HAVCR1: variants seen among roughly 807,000 people sequenced by gnomAD.
The protein encoded by HAVCR1 is hepatitis A virus cellular receptor 1.
In HAVCR1, 34 loss-of-function variants were observed where a neutral mutation model predicts 32.0. That is an observed-to-expected ratio of 1.06 (90% confidence interval 0.81 to 1.42). The LOEUF is 1.42. HAVCR1 is among the 40% of genes most tolerant of loss of function. The pLI is 0.00. For synonymous variants in HAVCR1, 178 were observed against 170.3 expected (o/e 1.05, Z -0.35); for missense variants, 420 against 442.3 (o/e 0.95, Z 0.45).
the HAVCR1 span, among the ~76,000 whole-genome samples, chr5:157,068,386 C>T: frequency 6.6e-6 from 1 of 152,104 alleles, no homozygotes; most frequent in African/African-American, 2.4e-5. Context: ...AAGTTTGAGA[C>T]CAGCCTGGGC....
chr5:157,033,923 C>T (rs1278967807), intron 7 of HAVCR1, among the ~76,000 whole-genome samples: 2 of 152,040 alleles, frequency 1.3e-5, no homozygotes, highest in Non-Finnish European at 2.9e-5. Context: ...TGTGGTGGCA[C>T]GAGCCTGTAA....
chr5:157,055,415 G>A lies in HAVCR1; in HGVS notation c.165C>T (p.Phe55=), dbSNP rs763215122. 125 of 1,612,376 alleles carry A rather than the reference G, an allele frequency of 7.8e-5. No homozygotes were observed. Among genetic ancestry groups the A allele is most frequent in the Non-Finnish European group, 1.0e-4 (120 of 1,178,488 alleles). The change falls in exon 3 of 9, where the codon TTC becomes TTT. Residue 55 remains phenylalanine, a synonymous_variant. Transcript: ENST00000523175. ...TCCAGACAATGCCATTTTGGCATGTGAATAGAGAACATGAGCCTCTATTCC... is the reference window on the plus strand; with the variant it reads ...TCCAGACAATGCCATTTTGGCATGTAAATAGAGAACATGAGCCTCTATTCC... ...MCWNRGSCSL[F]TCQNGIVWTN...
chr5:157,038,793 C>T (rs1202487199), intron 6 of HAVCR1, among the ~76,000 whole-genome samples: 1 of 152,098 alleles, frequency 6.6e-6, no homozygotes, highest in Non-Finnish European at 1.5e-5. Context: ...ACTGCATGCT[C>T]ATTTTAGAAT....
At chr5:157,065,940 C>A in the HAVCR1 span, among the ~76,000 whole-genome samples, 1 of 151,372 alleles carries the variant, frequency 6.6e-6, no homozygotes, top group African/African-American at 2.4e-5. Context: ...CCTATAGTCC[C>A]AGCTACTCAG....
intron 6 of HAVCR1, among the ~76,000 whole-genome samples, chr5:157,038,363 A>G (rs1264263712): frequency 5.3e-5 from 8 of 152,166 alleles, no homozygotes; most frequent in Admixed American, 1.3e-4. Context: ...CCCACCGGGA[A>G]GGTATTTTAA....
intron 3 of HAVCR1, among the ~76,000 whole-genome samples, chr5:157,054,752 CTT>C (rs1033624418): frequency 6.6e-6 from 1 of 152,126 alleles, no homozygotes; most frequent in Non-Finnish European, 1.5e-5. Context: ...CAAATACAGA[CTT>C]TTTTGTTTGT....
At chr5:157,048,395 T>C (rs1755534169) in intron 5 of HAVCR1, among the ~76,000 whole-genome samples, 2 of 152,212 alleles carry the variant, frequency 1.3e-5, no homozygotes, top group African/African-American at 4.8e-5. Context: ...AGTCAGGCAT[T>C]TGGATTCTTG....
chr5:157,030,652 A>G (rs1024573178), intron 8 of HAVCR1, among the ~76,000 whole-genome samples: 30 of 152,236 alleles, frequency 2.0e-4, no homozygotes, highest in African/African-American at 7.0e-4. Flanking sequence ...GTCTCAAAAA[A>G]AGAAATCAGT....
At chr5:157,051,622 C>T (rs1341146224) in intron 4 of HAVCR1, among the ~76,000 whole-genome samples, 2 of 151,756 alleles carry the variant, frequency 1.3e-5, no homozygotes, top group Non-Finnish European at 2.9e-5. Flanking sequence ...ACTTGACCTC[C>T]CGGCCCCAAG....
At chr5:157,043,204 T>G (rs1301952530) in intron 5 of HAVCR1, among the ~76,000 whole-genome samples, 1 of 152,230 alleles carries the variant, frequency 6.6e-6, no homozygotes, top group Non-Finnish European at 1.5e-5. Context: ...GTTGCCGATG[T>G]GCTTACATTT....
In HAVCR1 at chr5:157,037,234, C is replaced by T. The variant is rs778055969; in HGVS notation, c.952+13G>A. The T allele has an allele frequency of 1.6e-5, 22 of 1,356,084 alleles. No individual in the cohort carries two copies. The highest frequency in any genetic ancestry group is 5.8e-5 in the South Asian group (5 of 85,844). 84.0% of individuals were successfully genotyped at this position (1,356,084 alleles called of 1,614,324 possible). A position where few individuals can be genotyped will look rare whatever the true frequency, so the allele number is the denominator to read the frequency against. On this transcript the variant is annotated intron_variant, in intron 7 of 8. Coordinates refer to ENST00000523175, the MANE Select transcript of HAVCR1 (RefSeq NM_001173393.3). ...ATCCCTTGTCCCTTAGGAACAATCT[C>T]GAAATGACTTACTTTTGGCAATGAT...
chr5:157,060,803 A>G (rs6863780), upstream of HAVCR1, among the ~76,000 whole-genome samples: 106,166 of 152,098 alleles, frequency 0.7, 37,653 homozygotes, highest in East Asian at 0.84. Context: ...TATTGGTTAC[A>G]GAGTTATTCT....
At chr5:157,039,034 C>G (rs1754709458) in intron 6 of HAVCR1, among the ~76,000 whole-genome samples, 1 of 152,076 alleles carries the variant, frequency 6.6e-6, no homozygotes, top group African/African-American at 2.4e-5. Flanking sequence ...GTGGGAGGAT[C>G]ACTTGAGCCT....
Position 157,055,428 on chromosome 5 carries a change from G to A in HAVCR1, c.152C>T (p.Ser51Leu), listed in dbSNP as rs2270922. 1.1e-4 allele frequency: 180 copies of A among 1,607,574 alleles called. 1 individual carries two copies. The East Asian group carries it at 3.9e-3, about 34-fold the overall frequency. ...AVTSMCWNRG[S>L]CSLFTCQNGI... The stretch of plus-strand genomic sequence containing the variant: ...ATTTTGGCATGTGAATAGAGAACAT[G>A]AGCCTCTATTCCAGCACATGGATGT... The change falls in exon 3 of 9, where the codon TCA (serine) becomes TTA (leucine). Residue 51 changes from serine (S) to leucine (L), a missense_variant. Coordinates refer to ENST00000523175, the MANE Select transcript of HAVCR1 (RefSeq NM_001173393.3).
chr5:157,054,767 T>G (rs1210973852), intron 3 of HAVCR1, among the ~76,000 whole-genome samples: 1 of 152,236 alleles, frequency 6.6e-6, no homozygotes, highest in Non-Finnish European at 1.5e-5. Context: ...TTGTTTGTCA[T>G]TATTCCCTAA....
At chr5:157,064,003 C>T (rs1463282060), upstream of HAVCR1, among the ~76,000 whole-genome samples, 1 of 152,188 alleles carries the variant, frequency 6.6e-6, no homozygotes, top group East Asian at 1.9e-4. Context: ...AGAGGACAGA[C>T]ACATGGGGCT....
At chr5:157,043,423 T>C (rs180769751) in intron 5 of HAVCR1, among the ~76,000 whole-genome samples, 171 of 152,288 alleles carry the variant, frequency 1.1e-3, no homozygotes, top group Admixed American at 1.7e-3. Flanking sequence ...CCCAAGCACT[T>C]TGGGAGTCCA....
In HAVCR1 at chr5:157,052,505, T is replaced by C; in HGVS notation, c.529A>G (p.Thr177Ala). The C allele has an allele frequency of 6.2e-7, 1 of 1,601,522 alleles. No homozygotes were observed. Among genetic ancestry groups the C allele is most frequent in the East Asian group, 2.2e-5 (1 of 44,462 alleles). The change falls in exon 4 of 9, where the codon ACT becomes GCT. Residue 177 changes from threonine to alanine, a missense_variant. Transcript: ENST00000523175. The part of the protein sequence containing the change: ...PTTMSIPTTT[T>A]VLTTMTVSTT... ...GAAACAGTCATTGTCGTCAGAACAGTCGTTGTCGTTGGAATGCTCATTGTT... is the reference window on the plus strand; with the variant it reads ...GAAACAGTCATTGTCGTCAGAACAGCCGTTGTCGTTGGAATGCTCATTGTT...
chr5:157,049,198 C>T, intron 4 of HAVCR1, 53 bp from the exon 5 acceptor site: 1 of 1,105,506 alleles, frequency 9.0e-7, no homozygotes, highest in Non-Finnish European at 1.4e-6. Flanking sequence ...AAATGTGCAC[C>T]CCAAGAAAAA....
Sources: allele counts gnomAD v4.1 joint callset (sites outside exome capture counted in the v4.1 genomes callset), GRCh38; gene constraint gnomAD v4.1.1; transcripts MANE v1.5; gene names NCBI Gene and HGNC (gene_info 2026-07-23, HGNC 2026-07-21).